Variants in PGM1 observed in about 807,000 individuals in gnomAD.
The protein encoded by PGM1 is phosphoglucomutase 1, also known as phosphoglucomutase-1.
In PGM1, 52 loss-of-function variants were observed where a neutral mutation model predicts 55.6. The observed-to-expected ratio is 0.94, with a 90% CI of 0.75 to 1.18. PGM1 has a LOEUF of 1.18. Ranked by LOEUF, PGM1 falls within the 50% of genes most tolerant of loss-of-function variation. The probability of loss-of-function intolerance (pLI) is 0.00; values close to 1 mark genes in which losing one functional copy is unlikely to be tolerated. For missense variants in PGM1, 724 were observed against 729.3 expected (o/e 0.99, Z 0.08); for synonymous variants, 287 against 271.7 (o/e 1.06, Z -0.55).
At chr1:63,594,509 C>G (rs1266969972) in intron 1 of PGM1, among the ~76,000 whole-genome samples, 1 of 152,036 alleles carries the variant, frequency 6.6e-6, no homozygotes, top group Admixed American at 6.5e-5. Context: ...CTTACGCAAG[C>G]AAGCAGTCGT....
At chr1:63,624,071 T>G (rs1269054764) in intron 1 of PGM1, among the ~76,000 whole-genome samples, 8 of 152,194 alleles carry the variant, frequency 5.3e-5, no homozygotes, top group Non-Finnish European at 1.0e-4. Context: ...TTATCTACAT[T>G]CTAACTAGCT....
chr1:63,629,946 T>C lies in PGM1; in HGVS notation c.414T>C (p.Pro138=), dbSNP rs376259690. 2.5e-6 allele frequency: 4 copies of C among 1,613,966 alleles called. No homozygotes were observed. In the East Asian group the frequency reaches 8.9e-5, roughly 36 times the overall value. The part of the protein sequence containing the change: ...GIKFNISNGG[P]APEAITDKIF... ...TGTTTGCTGTTTGGTTTCCAGGTCC[T>C]GCTCCAGAAGCAATAACTGATAAAA... The change falls in exon 3 of 11, where the codon CCT becomes CCC. Residue 138 remains proline (P), a synonymous_variant. Coordinates refer to ENST00000371084, the MANE Select transcript of PGM1 (RefSeq NM_002633.3).
Position 63,638,744 on chromosome 1 carries a change from G to C in PGM1, c.1088G>C (p.Gly363Ala). 1 of 1,614,060 alleles carries C rather than the reference G, an allele frequency of 6.2e-7. No homozygotes were observed. The part of the protein sequence containing the change: ...YETPTGWKFF[G>A]NLMDASKLSL... ...ACCCCAACTGGCTGGAAGTTTTTTG[G>C]GAATTTGATGGACGCGAGCAAACTG... Residue 363 changes from glycine to alanine, a missense_variant, in exon 7 of 11, where the codon GGG (glycine) becomes GCG (alanine). Gly to Ala is a moderately conservative substitution (Grantham distance 60). This residue lies in a region of PGM1 where 316 missense variants were observed against 313.1 expected (regional missense o/e 1.01). Transcript: ENST00000371084.
In PGM1 at chr1:63,654,444, C is replaced by T; in HGVS notation, c.1577C>T (p.Ala526Val). The T allele has an allele frequency of 6.2e-7, 1 of 1,614,026 alleles. No individual in the cohort carries two copies. Residue 526 changes from alanine to valine, a missense_variant, in exon 10 of 11, where the codon GCC becomes GTC. Coordinates refer to ENST00000371084, the MANE Select transcript of PGM1 (RefSeq NM_002633.3). ...ATCGATAGCTATGAGAAGGACGTTG[C>T]CAAGATTAACCAGGACCCCCAGGTA... Reference protein sequence around the residue: ...LYIDSYEKDVAKINQDPQVML... With the variant: ...LYIDSYEKDVVKINQDPQVML...
chr1:63,604,930 T>TGTGC (rs1648371837), intron 1 of PGM1, among the ~76,000 whole-genome samples: 1 of 131,844 alleles, frequency 7.6e-6, no homozygotes, highest in South Asian at 2.5e-4. Context: ...TGTGTGTGTG[T>TGTGC]GTGTGTGTGT....
rs552794990 is a variant in PGM1, at chr1:63,643,214, C to T, written c.1144+4414C>T. 4.6e-5 allele frequency among the ~76,000 whole-genome samples: 7 copies of T among 152,276 alleles called. No homozygotes were observed. In the East Asian group the frequency reaches 1.4e-3, roughly 29 times the overall value. On this transcript the variant is annotated intron_variant, in intron 7 of 10. Coordinates refer to ENST00000371084, the MANE Select transcript of PGM1 (RefSeq NM_002633.3). Reference sequence around the variant, plus strand: ...TACGCCAGTAGAACTAGGCTTATACCCTAATTATAACTCACTCATTTAAAG... The same window carrying T: ...TACGCCAGTAGAACTAGGCTTATACTCTAATTATAACTCACTCATTTAAAG...
intron 1 of PGM1, 79 bp downstream of exon 1, chr1:63,593,813 G>T: frequency 1.5e-6 from 2 of 1,344,362 alleles, no homozygotes; most frequent in Non-Finnish European, 1.9e-6. Context: ...TCCCTCGCTC[G>T]GGGCCGGCCG....
chr1:63,647,808 G>A (rs1467183540), intron 7 of PGM1, among the ~76,000 whole-genome samples: 1 of 152,082 alleles, frequency 6.6e-6, no homozygotes, highest in East Asian at 1.9e-4. Context: ...TTGAATTATT[G>A]AAATTTTGTA....
At chr1:63,622,668 T>C (rs1648913012) in intron 1 of PGM1, among the ~76,000 whole-genome samples, 1 of 152,226 alleles carries the variant, frequency 6.6e-6, no homozygotes, top group African/African-American at 2.4e-5. Context: ...TTCAAAGGAA[T>C]GACCAAGCTG....
rs145253461 is a variant in PGM1 at position 63,617,879 on chromosome 1, GT to G, written c.247-11536del. ...GAAATTAGGTTTCTCAGTGTGTGTG[GT>G]TTTTTTTTTACAAACTCATTTAATC... On this transcript the variant is annotated intron_variant, in intron 1 of 10. Transcript: ENST00000371084. 8.1e-5 allele frequency among the ~76,000 whole-genome samples: 12 copies of G among 147,770 alleles called. No homozygotes were observed. The East Asian group carries it at 1.6e-3, about 19-fold the overall frequency.
Position 63,648,516 on chromosome 1 carries a change from G to A in PGM1, c.1145-1G>A. On this transcript the variant is annotated splice_acceptor_variant, in intron 7 of 10. Transcript: ENST00000371084. LOFTEE classifies it high-confidence loss of function. ...ACAGCAGCTTGCTGTCCCCCCTCCA[G>A]GTTCTGACCACATCCGTGAGAAAGA... 1 of 1,614,102 alleles carries A rather than the reference G, an allele frequency of 6.2e-7. No homozygotes were observed.
chr1:63,616,985 A>G (rs1288040961), intron 1 of PGM1, among the ~76,000 whole-genome samples: 1 of 152,250 alleles, frequency 6.6e-6, no homozygotes, highest in Non-Finnish European at 1.5e-5. Flanking sequence ...CTTGCAAAGC[A>G]CTAGAACCAG....
In PGM1 at chr1:63,593,425, C is replaced by T; in HGVS notation, c.-64C>T. The T allele has an allele frequency of 2.5e-6, 4 of 1,608,240 alleles. No homozygotes were observed. Among genetic ancestry groups the T allele is most frequent in the Non-Finnish European group, 3.4e-6 (4 of 1,177,588 alleles). ...GCCCTCACCCCAGAGCAGCTGCAGCCTCAGCCGGCCGCCCCTCCGCCAGCC... is the reference window on the plus strand; with the variant it reads ...GCCCTCACCCCAGAGCAGCTGCAGCTTCAGCCGGCCGCCCCTCCGCCAGCC... On this transcript the variant is annotated 5_prime_UTR_variant, in exon 1 of 11. Coordinates refer to ENST00000371084, the MANE Select transcript of PGM1 (RefSeq NM_002633.3).
At chr1:63,620,768 A>G (rs1318939243) in intron 1 of PGM1, among the ~76,000 whole-genome samples, 1 of 152,238 alleles carries the variant, frequency 6.6e-6, no homozygotes, top group Non-Finnish European at 1.5e-5. Flanking sequence ...CAAGACCAGT[A>G]TGAAAGTTCC....
chr1:63,623,175 AG>A (rs964105006), intron 1 of PGM1: 1 of 1,186,178 alleles, frequency 8.4e-7, no homozygotes, highest in Non-Finnish European at 1.0e-6. Context: ...AAATAATTGA[AG>A]GGTATTTGGC....
chr1:63,644,821 A>T (rs1018120532), intron 7 of PGM1, among the ~76,000 whole-genome samples: 2 of 151,864 alleles, frequency 1.3e-5, no homozygotes, highest in Admixed American at 6.6e-5. Context: ...GGTTTATCTG[A>T]TTCTTAAGTA....
intron 1 of PGM1, chr1:63,623,161 A>G: frequency 8.9e-7 from 1 of 1,128,544 alleles, no homozygotes; most frequent in South Asian, 3.0e-5. Context: ...GGGAAATGAG[A>G]CAAAAATAAT....
Position 63,659,639 on chromosome 1 carries a change from G to T in PGM1, c.1653G>T (p.Glu551Asp). The T allele has an allele frequency of 6.2e-7, 1 of 1,614,072 alleles. No individual in the cohort carries two copies. Among genetic ancestry groups the T allele is most frequent in the Non-Finnish European group, 8.5e-7 (1 of 1,179,986 alleles). ...CTCTGAAAGTGTCCCAGCTGCAGGA[G>T]AGGACGGGACGCACTGCACCCACTG... The part of the protein sequence containing the change: ...SIALKVSQLQ[E>D]RTGRTAPTVI... The change falls in exon 11 of 11, where the codon GAG becomes GAT. Residue 551 changes from glutamate to aspartate, a missense_variant. Coordinates refer to ENST00000371084, the MANE Select transcript of PGM1 (RefSeq NM_002633.3).
At chr1:63,628,656 T>C (rs1194357680) in intron 1 of PGM1, among the ~76,000 whole-genome samples, 6 of 152,184 alleles carry the variant, frequency 3.9e-5, no homozygotes. Flanking sequence ...GAAACAGATA[T>C]AAATTACTGT....
Sources: gnomAD v4.1 joint callset for allele counts (sites outside exome capture counted in the v4.1 genomes callset) on GRCh38, gnomAD v4.1.1 for gene constraint, gnomAD v4.1.1 regional missense constraint, MANE v1.5 for transcripts, NCBI Gene and HGNC (gene_info 2026-07-23, HGNC 2026-07-21) for gene names.